The following NRXN3 variants were observed in gnomAD, a reference collection of about 807,000 sequenced individuals.
NRXN3 encodes the protein neurexin III.
A neutral mutation model predicts 137.6 loss-of-function variants in NRXN3; 32 were observed. The observed-to-expected ratio is 0.23, with a 90% CI of 0.18 to 0.31. NRXN3 has a LOEUF of 0.31. Among genes scored for constraint, NRXN3 ranks in the 10% least tolerant of loss-of-function variants. The pLI is 1.00. For missense variants in NRXN3, 1,574 were observed against 2,062.5 expected, an observed-to-expected ratio of 0.76 and a Z score of 4.59; for synonymous variants, 798 against 784.5, an observed-to-expected ratio of 1.02 and a Z score of -0.29.
At chr14:78,374,769 C>CAAAAAA (rs3037807) in intron 4 of NRXN3, among the ~76,000 whole-genome samples, 1 of 115,530 alleles carries the variant, frequency 8.7e-6, no homozygotes, top group African/African-American at 3.4e-5. Context: ...ACTCCATCTC[C>CAAAAAA]AAAAAAAAAA....
chr14:79,808,274 A>G (rs2099217785), intron 20 of NRXN3, among the ~76,000 whole-genome samples: 1 of 143,540 alleles, frequency 7.0e-6, no homozygotes, highest in South Asian at 2.2e-4. Context: ...ATATATATAT[A>G]TGTATGTATG....
intron 15 of NRXN3, among the ~76,000 whole-genome samples, chr14:79,402,352 C>T (rs1179480329): frequency 6.6e-6 from 1 of 152,316 alleles, no homozygotes; most frequent in South Asian, 2.1e-4. Context: ...GTGCAATGCA[C>T]ATGCATATTC....
rs1201984715 is a variant in NRXN3 at position 79,863,507 on chromosome 14, CAA to C, written c.*1545_*1546del. On this transcript the variant is annotated 3_prime_UTR_variant, in exon 21 of 21. Coordinates refer to ENST00000335750, the MANE Select transcript of NRXN3 (RefSeq NM_001330195.2). ...TTAGTTTTGTCACAGTTAACTGTGT[CAA>C]AGAGAATTAAAAAAAAAAACTTCAG... is the stretch of plus-strand genomic sequence containing the variant. 7.7e-5 allele frequency: 11 copies of C among 142,192 alleles called. No homozygotes were observed. Among genetic ancestry groups the C allele is most frequent in the Non-Finnish European group, 1.5e-5 (1 of 66,952 alleles). The allele number at this position is 142,192 out of a possible 1,614,324, so 8.8% of individuals were successfully genotyped here.
rs771779119 is a variant in NRXN3 at position 79,273,364 on chromosome 14, G to A, written c.3263-193857G>A. Among the ~76,000 whole-genome samples, 67 of 151,674 alleles carry A rather than the reference G, an allele frequency of 4.4e-4. 1 individual carries two copies. The highest frequency in any genetic ancestry group is 1.6e-4 in the Non-Finnish European group (11 of 67,950). On this transcript the variant is annotated intron_variant, in intron 15 of 20. Coordinates refer to ENST00000335750, the MANE Select transcript of NRXN3 (RefSeq NM_001330195.2). ...ATAATAATAAAATGGGCCGGGCACGGTGGCTCACGCCTGTAATCCCAGCAC... is the reference window on the plus strand; with the variant it reads ...ATAATAATAAAATGGGCCGGGCACGATGGCTCACGCCTGTAATCCCAGCAC...
At chr14:78,269,681 T>C (rs1431940788) in intron 2 of NRXN3, among the ~76,000 whole-genome samples, 1 of 152,188 alleles carries the variant, frequency 6.6e-6, no homozygotes, top group Non-Finnish European at 1.5e-5. Context: ...GAGGTTTCTT[T>C]CCCACACCCC....
intron 15 of NRXN3, among the ~76,000 whole-genome samples, chr14:79,239,687 A>G (rs528378403): frequency 1.2e-4 from 18 of 152,298 alleles, no homozygotes; most frequent in Middle Eastern, 3.4e-3. Flanking sequence ...GCGTGTCTAA[A>G]TGATATCTGC....
rs191810987 is a variant in NRXN3, at chr14:78,368,292, C to A, written c.757+70432C>A. Among the ~76,000 whole-genome samples the A allele has an allele frequency of 2.1e-3, 313 of 152,230 alleles. 1 individual carries two copies. The highest frequency in any genetic ancestry group is 1.9e-3 in the Non-Finnish European group (128 of 68,018). On this transcript the variant is annotated intron_variant, in intron 4 of 20. Transcript: ENST00000335750. ...TAACTGCAGTTACTGAGGTATGGAGCGTGGAAATAAATTTTACTTGCAGGC... is the reference window on the plus strand; with the variant it reads ...TAACTGCAGTTACTGAGGTATGGAGAGTGGAAATAAATTTTACTTGCAGGC...
At chr14:79,197,555 C>CTTTT (rs34453011) in intron 15 of NRXN3, among the ~76,000 whole-genome samples, 1 of 146,928 alleles carries the variant, frequency 6.8e-6, no homozygotes, top group Non-Finnish European at 1.5e-5. Flanking sequence ...TCTGTAATTT[C>CTTTT]TTTTTTTTTT....
At chr14:79,358,649 GAAAGAAAGAAAGAAAGAA>G in intron 15 of NRXN3, among the ~76,000 whole-genome samples, 1 of 150,690 alleles carries the variant, frequency 6.6e-6, no homozygotes, top group South Asian at 2.1e-4. Context: ...AAGAAAGAAA[GAAAGAAAGAAAGAAAGAA>G]AGTGTCCTAA....
At chr14:79,060,487 G>A (rs2099672847) in intron 15 of NRXN3, among the ~76,000 whole-genome samples, 1 of 152,124 alleles carries the variant, frequency 6.6e-6, no homozygotes, top group Non-Finnish European at 1.5e-5. Flanking sequence ...CTATTCCTAT[G>A]ATGGATGACT....
At chr14:79,148,777 A>G (rs1019873848) in intron 15 of NRXN3, among the ~76,000 whole-genome samples, 61 of 152,104 alleles carry the variant, frequency 4.0e-4, no homozygotes, top group African/African-American at 1.4e-3. Context: ...GGCCCCTTCC[A>G]CATATAACCC....
intron 1 of NRXN3, among the ~76,000 whole-genome samples, chr14:78,203,118 T>A (rs2061833545): frequency 6.6e-6 from 1 of 152,162 alleles, no homozygotes; most frequent in Non-Finnish European, 1.5e-5. Flanking sequence ...CCTCTTACAC[T>A]TATGTCCATA....
chr14:79,268,654 T>C (rs975300335), intron 15 of NRXN3, among the ~76,000 whole-genome samples: 2 of 152,172 alleles, frequency 1.3e-5, no homozygotes, highest in Non-Finnish European at 2.9e-5. Flanking sequence ...ATAAATTGCA[T>C]AGGATTTAGC....
At chr14:79,331,671 G>A (rs1392926584) in intron 15 of NRXN3, among the ~76,000 whole-genome samples, 1 of 152,146 alleles carries the variant, frequency 6.6e-6, no homozygotes, top group Non-Finnish European at 1.5e-5. Flanking sequence ...GGAAGTAAAT[G>A]CTGAAATTCC....
At position 79,770,939 on chromosome 14, in the gene NRXN3, A is replaced by G. The variant is rs570278115; in HGVS notation, c.4015-34173A>G. On this transcript the variant is annotated intron_variant, in intron 19 of 20. Coordinates refer to ENST00000335750, the MANE Select transcript of NRXN3 (RefSeq NM_001330195.2). ...TAGATGCAATAAAAAATGATAAAGA[A>G]GATATCACCACCGATCCCACAGAAA... Among the ~76,000 whole-genome samples, 231 of 152,190 alleles carry G rather than the reference A, an allele frequency of 1.5e-3. 10 individuals carry two copies. In the South Asian group the frequency reaches 0.042, roughly 28 times the overall value.
At chr14:79,815,780 T>C (rs2099249822) in intron 20 of NRXN3, among the ~76,000 whole-genome samples, 1 of 152,124 alleles carries the variant, frequency 6.6e-6, no homozygotes. Flanking sequence ...AAACTCAGAA[T>C]TGGGAAGTGT....
chr14:79,793,682 TTTC>T (rs2099152524), intron 19 of NRXN3, among the ~76,000 whole-genome samples: 1 of 152,234 alleles, frequency 6.6e-6, no homozygotes, highest in Admixed American at 6.5e-5. Flanking sequence ...TAGAATAGAA[TTTC>T]TTTTCTCTTT....
chr14:79,743,856 C>T (rs1018921357), intron 19 of NRXN3, among the ~76,000 whole-genome samples: 1 of 152,116 alleles, frequency 6.6e-6, no homozygotes, highest in African/African-American at 2.4e-5. Context: ...ATGTTTGAGG[C>T]CTCTGGGCCC....
At chr14:79,239,349 T>A (rs2073922862) in intron 15 of NRXN3, among the ~76,000 whole-genome samples, 1 of 151,934 alleles carries the variant, frequency 6.6e-6, no homozygotes, top group East Asian at 1.9e-4. Context: ...AAAGAAATAG[T>A]GGATAATAAC....
Sources: allele counts gnomAD v4.1 joint callset (sites outside exome capture counted in the v4.1 genomes callset), GRCh38; gene constraint gnomAD v4.1.1; transcripts MANE v1.5; gene names NCBI Gene and HGNC (gene_info 2026-07-23, HGNC 2026-07-21).